ATP6V1H: variants seen among roughly 807,000 people sequenced by gnomAD.
ATP6V1H encodes ATPase H+ transporting V1 subunit H.
A neutral mutation model predicts 71.7 loss-of-function variants in ATP6V1H; 39 were observed. The observed-to-expected ratio is 0.54, with a 90% CI of 0.42 to 0.71. The LOEUF is 0.71. ATP6V1H is among the 30% of genes least tolerant of loss of function. The probability of loss-of-function intolerance (pLI) is 0.00; values close to 1 mark genes in which losing one functional copy is unlikely to be tolerated. For synonymous variants in ATP6V1H, 192 were observed against 199.3 expected (o/e 0.96, Z 0.31); for missense variants, 509 against 594.9 (o/e 0.86, Z 1.50).
intron 4 of ATP6V1H, among the ~76,000 whole-genome samples, chr8:53,819,547 C>CATATATATATATATAT (rs34645455): frequency 2.8e-5 from 1 of 35,136 alleles, no homozygotes; most frequent in Non-Finnish European, 4.7e-5. Flanking sequence ...AAAAAAAAAG[C>CATATATATATATATAT]ATATATATAT....
chr8:53,750,468 C>A (rs530997139), intron 12 of ATP6V1H, among the ~76,000 whole-genome samples: 2 of 152,236 alleles, frequency 1.3e-5, no homozygotes, highest in South Asian at 2.1e-4. Flanking sequence ...AGCAAAACGA[C>A]ATAAAACAAG....
intron 13 of ATP6V1H, among the ~76,000 whole-genome samples, chr8:53,730,033 T>G (rs1169405594): frequency 6.6e-6 from 1 of 152,196 alleles, no homozygotes; most frequent in Non-Finnish European, 1.5e-5. Flanking sequence ...CCTATGCCTC[T>G]AGAGCAATCA....
Position 53,833,045 on chromosome 8 carries a change from C to T in ATP6V1H, c.155G>A (p.Arg52Lys), listed in dbSNP as rs1473266473. 3 of 1,613,754 alleles carry T rather than the reference C, an allele frequency of 1.9e-6. No homozygotes were observed. The South Asian group carries it at 3.3e-5, about 18-fold the overall frequency. ...ISAEDCEFIQ[R>K]FEMKRSPEEK... The stretch of plus-strand genomic sequence containing the variant: ...TTCAGGGCTTCGTTTCATTTCAAAC[C>T]TCTGAATAAACTCACAATCTTCAGC... The change falls in exon 3 of 14, where the codon AGG becomes AAG. Residue 52 changes from arginine to lysine, a missense_variant. Arg to Lys is a conservative substitution (Grantham distance 26, BLOSUM62 2). This residue lies in a region of ATP6V1H where 297 missense variants were observed against 303.3 expected (regional missense o/e 0.98). Transcript: ENST00000359530.
At chr8:53,767,716 A>T (rs533146169) in intron 11 of ATP6V1H, among the ~76,000 whole-genome samples, 2 of 152,334 alleles carry the variant, frequency 1.3e-5, no homozygotes, top group South Asian at 4.1e-4. Context: ...TCAATAGGTA[A>T]AGAACAATCT....
intron 11 of ATP6V1H, among the ~76,000 whole-genome samples, chr8:53,758,134 A>G (rs999726792): frequency 1.3e-5 from 2 of 152,174 alleles, no homozygotes; most frequent in Admixed American, 1.3e-4. Flanking sequence ...ATTTCAAACT[A>G]TGTGTGTTTT....
chr8:53,793,918 A>C (rs1485431294), intron 9 of ATP6V1H, among the ~76,000 whole-genome samples: 1 of 152,170 alleles, frequency 6.6e-6, no homozygotes, highest in Non-Finnish European at 1.5e-5. Flanking sequence ...CAGCTTGGGC[A>C]ACACAGTGAG....
At chr8:53,746,421 C>T (rs34081101) in intron 12 of ATP6V1H, among the ~76,000 whole-genome samples, 4,272 of 152,086 alleles carry the variant, frequency 0.028, 90 homozygotes, top group Non-Finnish European at 0.047. Flanking sequence ...CTCACCACCA[C>T]GCCCAGCTCA....
chr8:53,723,998 GCAATCTA>G (rs1806717399), intron 13 of ATP6V1H, among the ~76,000 whole-genome samples: 1 of 152,196 alleles, frequency 6.6e-6, no homozygotes, highest in Non-Finnish European at 1.5e-5. Context: ...TCATTTAAAT[GCAATCTA>G]CAATTTACTA....
chr8:53,771,630 T>C (rs1808659733), intron 10 of ATP6V1H, among the ~76,000 whole-genome samples: 1 of 152,152 alleles, frequency 6.6e-6, no homozygotes, highest in African/African-American at 2.4e-5. Context: ...GGAAAACAAA[T>C]ACTTTCTCCA....
At chr8:53,764,750 G>A (rs1808392293) in intron 11 of ATP6V1H, among the ~76,000 whole-genome samples, 1 of 152,176 alleles carries the variant, frequency 6.6e-6, no homozygotes, top group Non-Finnish European at 1.5e-5. Context: ...GTACATCTAT[G>A]AGTCAGTTGT....
At chr8:53,776,178 GCCGGCTGCTC>G (rs1181375977) in intron 9 of ATP6V1H, among the ~76,000 whole-genome samples, 1 of 152,212 alleles carries the variant, frequency 6.6e-6, no homozygotes, top group African/African-American at 2.4e-5. Context: ...AGCAGGGCCG[GCCGGCTGCTC>G]CGAGTTTGGG....
chr8:53,729,807 A>G (rs1377018766), intron 13 of ATP6V1H, among the ~76,000 whole-genome samples: 2 of 152,224 alleles, frequency 1.3e-5, no homozygotes, highest in Non-Finnish European at 2.9e-5. Context: ...GAAGTCCTTC[A>G]AAGTCCTCTG....
intron 13 of ATP6V1H, among the ~76,000 whole-genome samples, chr8:53,724,634 G>A (rs1585717771): frequency 8.2e-6 from 1 of 121,228 alleles, no homozygotes; most frequent in African/African-American, 3.1e-5. Flanking sequence ...ACGAGGCCAC[G>A]CCCCAGGGAC....
At chr8:53,745,137 G>A (rs888883707) in intron 12 of ATP6V1H, among the ~76,000 whole-genome samples, 5 of 152,176 alleles carry the variant, frequency 3.3e-5, no homozygotes, top group Admixed American at 3.3e-4. Context: ...GCTCATGCCT[G>A]TAATCCCAGC....
chr8:53,716,816 T>A lies in ATP6V1H; in HGVS notation c.1392-792A>T, dbSNP rs552434416. On this transcript the variant is annotated intron_variant, in intron 13 of 13. Coordinates refer to ENST00000359530, the MANE Select transcript of ATP6V1H (RefSeq NM_015941.4). ...GTGAATTCCAGGACAGAAAACAATC[T>A]TGTCCCTATTTTCCTTTGAGGCACT... 2.6e-5 allele frequency among the ~76,000 whole-genome samples: 4 copies of A among 152,358 alleles called. No homozygotes were observed. In the South Asian group the frequency reaches 8.3e-4, roughly 32 times the overall value.
chr8:53,751,700 C>T (rs1231020880), intron 12 of ATP6V1H, among the ~76,000 whole-genome samples: 2 of 150,430 alleles, frequency 1.3e-5, no homozygotes, highest in African/African-American at 4.9e-5. Context: ...GACAGAGTCT[C>T]GCTGTGTCAC....
chr8:53,841,984 AT>A (rs761243181), intron 1 of ATP6V1H, among the ~76,000 whole-genome samples: 2 of 152,350 alleles, frequency 1.3e-5, no homozygotes, highest in East Asian at 3.9e-4. Context: ...TTTTAAAGCA[AT>A]CACCTAATAT....
intron 5 of ATP6V1H, among the ~76,000 whole-genome samples, chr8:53,815,583 C>A (rs1303468535): frequency 6.6e-6 from 1 of 152,198 alleles, no homozygotes; most frequent in African/African-American, 2.4e-5. Context: ...CTTAAGTGTT[C>A]TGGTGTATTT....
intron 11 of ATP6V1H, among the ~76,000 whole-genome samples, chr8:53,768,839 A>C (rs948821635): frequency 6.6e-6 from 1 of 152,150 alleles, no homozygotes; most frequent in Non-Finnish European, 1.5e-5. Flanking sequence ...AATGTTCTAA[A>C]CTGATTTTGT....
Sources: gnomAD v4.1 joint callset for allele counts (sites outside exome capture counted in the v4.1 genomes callset) on GRCh38, gnomAD v4.1.1 for gene constraint, gnomAD v4.1.1 regional missense constraint, MANE v1.5 for transcripts, NCBI Gene and HGNC (gene_info 2026-07-23, HGNC 2026-07-21) for gene names.